The following CFAP46 variants were observed in gnomAD, a reference collection of about 807,000 sequenced individuals.
CFAP46 encodes cilia and flagella associated protein 46.
In CFAP46, 245 loss-of-function variants were observed where a neutral mutation model predicts 325.7. The ratio of observed to expected loss-of-function variants is 0.75; its 90% CI spans 0.68 to 0.84. The LOEUF is 0.84. CFAP46 is among the 40% of genes least tolerant of loss of function. CFAP46 has a pLI of 0.00. For missense variants in CFAP46, 3,346 were observed against 3,543.0 expected (o/e 0.94, Z 1.41); for synonymous variants, 1,523 against 1,495.9 (o/e 1.02, Z -0.42).
At chr10:132,858,269 C>T (rs567008578) in intron 38 of CFAP46, among the ~76,000 whole-genome samples, 1 of 143,722 alleles carries the variant, frequency 7.0e-6, no homozygotes, top group East Asian at 2.1e-4. Context: ...GCCAGGGAGG[C>T]TTTGCTGGGG....
chr10:132,824,563 T>C (rs1301104927), intron 50 of CFAP46, among the ~76,000 whole-genome samples: 2 of 121,686 alleles, frequency 1.6e-5, no homozygotes, highest in Non-Finnish European at 3.4e-5. Flanking sequence ...ATGTGTGCTG[T>C]GTGTGTGCTG....
rs761554345 is a variant in CFAP46 at position 132,884,370 on chromosome 10, C to A, written c.3627+733G>T. Among the ~76,000 whole-genome samples, 16 of 152,232 alleles carry A rather than the reference C, an allele frequency of 1.1e-4. No homozygotes were observed. Among genetic ancestry groups the A allele is most frequent in the Non-Finnish European group, 2.4e-4 (16 of 68,042 alleles). ...CATCCTCAGTTCCCGATGCCAAGGGCCCCCTGGACCCCAGAACAATCCAAA... is the reference window on the plus strand; with the variant it reads ...CATCCTCAGTTCCCGATGCCAAGGGACCCCTGGACCCCAGAACAATCCAAA... On this transcript the variant is annotated intron_variant, in intron 27 of 57. Coordinates refer to ENST00000368586, the MANE Select transcript of CFAP46 (RefSeq NM_001200049.3). The surrounding 1 kb of genome is among the most constrained non-coding windows in gnomAD (Gnocchi z 5.4).
intron 39 of CFAP46, among the ~76,000 whole-genome samples, chr10:132,851,610 G>T (rs988713202): frequency 3.3e-5 from 5 of 152,196 alleles, no homozygotes; most frequent in Non-Finnish European, 5.9e-5. Context: ...AAGTGGAGGC[G>T]CACAGAGTGC....
At chr10:132,857,934 G>A (rs948236562) in intron 38 of CFAP46, 146 bp from the exon 39 acceptor site, 17 of 714,006 alleles carry the variant, frequency 2.4e-5, no homozygotes, top group South Asian at 2.2e-4. Context: ...TCCTCGATAC[G>A]TCTTAGAGGT....
intron 22 of CFAP46, among the ~76,000 whole-genome samples, chr10:132,907,558 G>A (rs1412656085): frequency 6.6e-6 from 1 of 152,248 alleles, no homozygotes; most frequent in African/African-American, 2.4e-5. Context: ...TAATTAGCGT[G>A]CATATCTGTC....
Position 132,828,576 on chromosome 10 carries a change from C to T in CFAP46, c.7117+4782G>A, listed in dbSNP as rs890104875. Reference sequence around the variant, plus strand: ...CAGTTTTGAGAGTTCTTTATATAGTCTAAATTTGTTACTGTTATCAGATTC... The same window carrying T: ...CAGTTTTGAGAGTTCTTTATATAGTTTAAATTTGTTACTGTTATCAGATTC... On this transcript the variant is annotated intron_variant, in intron 50 of 57. Transcript: ENST00000368586. This position sits in a 1 kb window ranked among gnomAD's most constrained non-coding sequence, Gnocchi z 4.9. Among the ~76,000 whole-genome samples, 1 of 152,088 alleles carries T rather than the reference C, an allele frequency of 6.6e-6. No individual in the cohort carries two copies. The highest frequency in any genetic ancestry group is 2.4e-5 in the African/African-American group (1 of 41,382).
intron 6 of CFAP46, 31 bp from the exon 7 acceptor site, chr10:132,937,086 G>A (rs868101322): frequency 4.5e-6 from 6 of 1,336,508 alleles, no homozygotes; most frequent in Non-Finnish European, 6.1e-6. Flanking sequence ...TTATTAATCT[G>A]GATTCAAACA....
chr10:132,838,630 C>T (rs773410821), intron 44 of CFAP46, among the ~76,000 whole-genome samples: 3 of 152,270 alleles, frequency 2.0e-5, no homozygotes, highest in Admixed American at 6.5e-5. Context: ...AATGCCACAG[C>T]GTCTTCATCC....
At chr10:132,888,816 T>A (rs1849215265) in intron 25 of CFAP46, among the ~76,000 whole-genome samples, 1 of 62,790 alleles carries the variant, frequency 1.6e-5, no homozygotes. Context: ...CCTTCACCCC[T>A]GCCGCCTGCA....
At chr10:132,825,972 G>T (rs916169552) in intron 50 of CFAP46, among the ~76,000 whole-genome samples, 2 of 152,054 alleles carry the variant, frequency 1.3e-5, no homozygotes, top group Non-Finnish European at 2.9e-5. Flanking sequence ...GACCAGCCAC[G>T]GAGCCAGGCA....
intron 50 of CFAP46, among the ~76,000 whole-genome samples, chr10:132,816,934 G>T (rs1434882468): frequency 6.6e-6 from 1 of 152,162 alleles, no homozygotes; most frequent in Non-Finnish European, 1.5e-5. Context: ...AGTGGGATTT[G>T]CTTCTCAATT....
At chr10:132,864,079 G>A (rs1564783431) in intron 35 of CFAP46, among the ~76,000 whole-genome samples, 1 of 135,554 alleles carries the variant, frequency 7.4e-6, no homozygotes, top group East Asian at 2.3e-4. Flanking sequence ...GCACACACCT[G>A]TCCCCGGTGT....
At chr10:132,924,258 C>T (rs1009071428) in intron 11 of CFAP46, among the ~76,000 whole-genome samples, 19 of 151,422 alleles carry the variant, frequency 1.3e-4, no homozygotes, top group Admixed American at 7.9e-4. Context: ...CATGGTCCAC[C>T]GTGATGCCTG....
At chr10:132,885,743 T>TGGGGAGCACTCATAGGCGGTGG (rs1554881652) in intron 26 of CFAP46, 78 bp downstream of exon 26, 52,179 of 1,246,872 alleles carry the variant, frequency 0.042, 1,673 homozygotes, top group South Asian at 0.047. Context: ...ACAGGCGGTG[T>TGGGGAGCACTCATAGGCGGTGG]GGGGAGCACT....
Position 132,909,946 on chromosome 10 carries a change from A to G in CFAP46, c.2622T>C (p.Ile874=), listed in dbSNP as rs760035663. The G allele has an allele frequency of 3.9e-6, 6 of 1,521,430 alleles. No individual in the cohort carries two copies. The African/African-American group carries it at 8.4e-5, about 21-fold the overall frequency. 94.2% of individuals were successfully genotyped at this position (1,521,430 alleles called of 1,614,324 possible). ...VKAKQLLQQQ[I]GPRLGTEEQG... is the part of the protein sequence containing the mutation. ...GCTCCTCGGTGCCCAGCCGTGGCCC[A>G]ATCTGCTGCTGCAGCAGCTGCTTGG... Residue 874 remains isoleucine (I), a synonymous_variant, in exon 20 of 58, where the codon ATT becomes ATC. Coordinates refer to ENST00000368586, the MANE Select transcript of CFAP46 (RefSeq NM_001200049.3).
chr10:132,912,586 T>TCTCTCTCTCTCCTCTCTC, intron 19 of CFAP46, 69 bp downstream of exon 19: 1 of 1,315,680 alleles, frequency 7.6e-7, no homozygotes, highest in Non-Finnish European at 1.0e-6. Context: ...TCTCCTCTCC[T>TCTCTCTCTCTCCTCTCTC]CTCTCTCTCT....
chr10:132,932,254 TCCTC>T (rs1849921328), intron 8 of CFAP46, among the ~76,000 whole-genome samples: 1 of 121,622 alleles, frequency 8.2e-6, no homozygotes. Flanking sequence ...TGGGCCTTCC[TCCTC>T]CCCACACAGA....
rs1259242288 is a variant in CFAP46, at chr10:132,814,738, G to T, written c.7197C>A (p.Ile2399=). The T allele has an allele frequency of 6.2e-7, 1 of 1,613,562 alleles. No homozygotes were observed. The highest frequency in any genetic ancestry group is 1.3e-5 in the African/African-American group (1 of 74,922). Residue 2399 remains isoleucine (I), a synonymous_variant, in exon 52 of 58, where the codon ATC becomes ATA. Transcript: ENST00000368586. ...SLAKKGRKGS[I]PRTIPPDCII... The stretch of plus-strand genomic sequence containing the variant: ...TGCAGTCAGGGGGGATGGTCCGGGG[G>T]ATGCTGCCCTGCAACCACAGACCAG...
In CFAP46 at chr10:132,833,489, A is replaced by C. The variant is rs1372995925; in HGVS notation, c.6986T>G (p.Leu2329Arg). The change falls in exon 50 of 58, where the codon CTG becomes CGG. Residue 2329 changes from leucine to arginine, a missense_variant. Transcript: ENST00000368586. ...CTCCAGGAGATGTCTGTCTGCGACCAGGACTATCTTATCGGCAACCTCAGG... is the reference window on the plus strand; with the variant it reads ...CTCCAGGAGATGTCTGTCTGCGACCCGGACTATCTTATCGGCAACCTCAGG... ...VQPEVADKIVLVADRHLLELP... is the reference protein window; with the variant it reads ...VQPEVADKIVRVADRHLLELP... 1 of 1,614,004 alleles carries C rather than the reference A, an allele frequency of 6.2e-7. No homozygotes were observed. Among genetic ancestry groups the C allele is most frequent in the East Asian group, 2.2e-5 (1 of 44,876 alleles).
Sources: allele counts gnomAD v4.1 joint callset (sites outside exome capture counted in the v4.1 genomes callset), GRCh38; gene constraint gnomAD v4.1.1; non-coding constraint Gnocchi (gnomAD v3.1); transcripts MANE v1.5; gene names NCBI Gene and HGNC (gene_info 2026-07-23, HGNC 2026-07-21).